The following LINGO2 variants were observed in gnomAD, a reference collection of about 807,000 sequenced individuals.
The protein encoded by LINGO2 is leucine-rich repeat and immunoglobulin-like domain-containing nogo receptor-interacting protein 2.
LINGO2 carries 14 observed loss-of-function variants against 30.6 expected under a neutral mutation model. The ratio of observed to expected loss-of-function variants is 0.46; its 90% CI spans 0.30 to 0.72. The LOEUF is 0.72. Among genes scored for constraint, LINGO2 ranks in the 30% least tolerant of loss-of-function variants. The probability of loss-of-function intolerance (pLI) is 0.07; values close to 1 mark genes in which losing one functional copy is unlikely to be tolerated. For missense variants in LINGO2, 729 were observed against 751.7 expected, an observed-to-expected ratio of 0.97 and a Z score of 0.35; for synonymous variants, 317 against 288.5, an observed-to-expected ratio of 1.10 and a Z score of -1.00.
At chr9:28,853,562 T>C in the LINGO2 span, among the ~76,000 whole-genome samples, 1 of 151,910 alleles carries the variant, frequency 6.6e-6, no homozygotes, top group Non-Finnish European at 1.5e-5. Flanking sequence ...TATAAGAAAA[T>C]ACCCCAAACG....
the LINGO2 span, among the ~76,000 whole-genome samples, chr9:28,708,461 TACCTGAAAC>T: frequency 6.6e-6 from 1 of 152,098 alleles, no homozygotes; most frequent in Non-Finnish European, 1.5e-5. Flanking sequence ...TTTCTCTGTA[TACCTGAAAC>T]TGTATAAGCA....
intron 4 of LINGO2, among the ~76,000 whole-genome samples, chr9:28,194,532 A>G (rs1164896379): frequency 6.7e-6 from 1 of 150,268 alleles, no homozygotes; most frequent in Non-Finnish European, 1.5e-5. Context: ...CTTTCACAAG[A>G]ACAGAGCTAA....
chr9:29,103,098 A>T, the LINGO2 span, among the ~76,000 whole-genome samples: 2 of 152,130 alleles, frequency 1.3e-5, no homozygotes, highest in Non-Finnish European at 1.5e-5. Context: ...CATCACTATA[A>T]CTTCAACTTT....
At chr9:28,031,806 G>A (rs978382522) in intron 4 of LINGO2, among the ~76,000 whole-genome samples, 1 of 152,174 alleles carries the variant, frequency 6.6e-6, no homozygotes, top group African/African-American at 2.4e-5. Flanking sequence ...TCTATCAAAG[G>A]AAAACAGATC....
At chr9:28,186,762 G>A (rs907646949) in intron 4 of LINGO2, among the ~76,000 whole-genome samples, 1 of 152,072 alleles carries the variant, frequency 6.6e-6, no homozygotes, top group Non-Finnish European at 1.5e-5. Flanking sequence ...AGATGCGAAG[G>A]CCCTGAGGTA....
At chr9:28,006,999 C>T (rs1822299628) in intron 5 of LINGO2, among the ~76,000 whole-genome samples, 1 of 152,132 alleles carries the variant, frequency 6.6e-6, no homozygotes, top group Non-Finnish European at 1.5e-5. Flanking sequence ...ACTAGGGATG[C>T]TTCCAATCTG....
the LINGO2 span, among the ~76,000 whole-genome samples, chr9:28,895,395 T>G: frequency 3.3e-5 from 5 of 152,096 alleles, no homozygotes; most frequent in Non-Finnish European, 7.4e-5. Flanking sequence ...AACTGCAACC[T>G]TGCAAAGAGA....
chr9:28,258,876 G>A (rs778635540), intron 4 of LINGO2, among the ~76,000 whole-genome samples: 9 of 151,614 alleles, frequency 5.9e-5, no homozygotes, highest in Non-Finnish European at 1.3e-4. Context: ...GCCTAGGCAA[G>A]CATGGTTCTG....
At chr9:28,789,859 TC>T in the LINGO2 span, among the ~76,000 whole-genome samples, 1 of 152,120 alleles carries the variant, frequency 6.6e-6, no homozygotes, top group East Asian at 1.9e-4. Flanking sequence ...TCTCTACACT[TC>T]CTTTTACTCG....
intron 1 of LINGO2, among the ~76,000 whole-genome samples, chr9:28,564,381 G>A (rs1823257834): frequency 1.3e-5 from 2 of 152,162 alleles, no homozygotes; most frequent in Admixed American, 1.3e-4. Flanking sequence ...AACCAATTGT[G>A]CTTTTTTAAA....
rs1256229891 is a variant in LINGO2 at position 28,642,367 on chromosome 9, C to T, written c.-365+27833G>A. ...TGGCCTTGTGACCATTGTCCATAAT[C>T]AATACCATCTTAATTCTACCCTGCT... is the stretch of plus-strand genomic sequence containing the variant. On this transcript the variant is annotated intron_variant, in intron 1 of 5. Transcript: ENST00000379992. Among the ~76,000 whole-genome samples, 6 of 152,084 alleles carry T rather than the reference C, an allele frequency of 3.9e-5. No homozygotes were observed. In the East Asian group the frequency reaches 9.7e-4, roughly 24 times the overall value.
At chr9:28,285,045 C>A (rs1318593241) in intron 4 of LINGO2, among the ~76,000 whole-genome samples, 1 of 152,214 alleles carries the variant, frequency 6.6e-6, no homozygotes, top group Non-Finnish European at 1.5e-5. Flanking sequence ...ATAGTAACCA[C>A]TACCACAACA....
At chr9:28,992,008 C>T in the LINGO2 span, among the ~76,000 whole-genome samples, 2 of 152,146 alleles carry the variant, frequency 1.3e-5, no homozygotes, top group Admixed American at 6.6e-5. Flanking sequence ...CAAATTCACA[C>T]ATAACAATAT....
chr9:28,281,128 G>T (rs1317523057), intron 4 of LINGO2, among the ~76,000 whole-genome samples: 1 of 152,104 alleles, frequency 6.6e-6, no homozygotes, highest in Non-Finnish European at 1.5e-5. Flanking sequence ...GGAAAAGAAG[G>T]TAAGGTGAAT....
intron 1 of LINGO2, among the ~76,000 whole-genome samples, chr9:28,484,859 G>C (rs1826109405): frequency 6.6e-6 from 1 of 152,110 alleles, no homozygotes; most frequent in Non-Finnish European, 1.5e-5. Flanking sequence ...ACAGGGTGTT[G>C]TGAGCAACCC....
chr9:27,998,639 T>G (rs1005295926), intron 5 of LINGO2, among the ~76,000 whole-genome samples: 9 of 152,134 alleles, frequency 5.9e-5, no homozygotes, highest in African/African-American at 2.2e-4. Flanking sequence ...GAAGTAGCTG[T>G]GCGTGGTGGC....
chr9:28,715,120 G>C, the LINGO2 span, among the ~76,000 whole-genome samples: 4 of 152,206 alleles, frequency 2.6e-5, no homozygotes, highest in African/African-American at 7.2e-5. Flanking sequence ...TCCAACCCAA[G>C]ACTGCAGAAA....
At chr9:29,188,275 C>T in the LINGO2 span, among the ~76,000 whole-genome samples, 1 of 151,604 alleles carries the variant, frequency 6.6e-6, no homozygotes, top group Non-Finnish European at 1.5e-5. Flanking sequence ...CTTGCACCGC[C>T]CTTAATCCAT....
rs545799563 is a variant in LINGO2, at chr9:28,306,975, T to C, written c.-245-11609A>G. On this transcript the variant is annotated intron_variant, in intron 3 of 5. Transcript: ENST00000379992. ...CAAAAAGAGTCCAGGACCAGATGGA[T>C]TCACAGCCGAATTCTACCAGAGGTA... Among the ~76,000 whole-genome samples the C allele has an allele frequency of 3.4e-4, 52 of 152,166 alleles. 1 individual carries two copies. The South Asian group carries it at 1.0e-2, about 29-fold the overall frequency.
Sources: allele counts gnomAD v4.1 joint callset (sites outside exome capture counted in the v4.1 genomes callset), GRCh38; gene constraint gnomAD v4.1.1; transcripts MANE v1.5; gene names NCBI Gene and HGNC (gene_info 2026-07-23, HGNC 2026-07-21).